TBCK: variants seen among roughly 807,000 people sequenced by gnomAD.
TBCK encodes the protein TBC1 domain containing kinase.
TBCK carries 99 observed loss-of-function variants against 113.4 expected under a neutral mutation model. The observed-to-expected ratio is 0.87, with a 90% CI of 0.74 to 1.03. The LOEUF is 1.03. Among genes scored for constraint, TBCK ranks in the 50% least tolerant of loss-of-function variants. TBCK has a pLI of 0.00. For missense variants in TBCK, 1,045 were observed against 1,061.3 expected, an observed-to-expected ratio of 0.98 and a Z score of 0.21; for synonymous variants, 369 against 370.8, an observed-to-expected ratio of 1.00 and a Z score of 0.05.
At chr4:106,259,668 T>C (rs1762320222) in intron 5 of TBCK, among the ~76,000 whole-genome samples, 1 of 151,934 alleles carries the variant, frequency 6.6e-6, no homozygotes, top group African/African-American at 2.4e-5. Flanking sequence ...AAAGCAAATG[T>C]AGTGAAATGT....
At chr4:106,095,389 A>C in intron 25 of TBCK, 93 bp downstream of exon 25, 5 of 1,202,952 alleles carry the variant, frequency 4.2e-6, no homozygotes, top group East Asian at 5.1e-5. Context: ...TTTGTGACCA[A>C]CTCCTGAAGA....
At chr4:106,131,878 T>C (rs560661280) in intron 23 of TBCK, among the ~76,000 whole-genome samples, 1 of 152,256 alleles carries the variant, frequency 6.6e-6, no homozygotes, top group East Asian at 1.9e-4. Context: ...GAGGAACTTC[T>C]TGGGACTGGA....
intron 1 of TBCK, among the ~76,000 whole-genome samples, chr4:106,313,033 C>T (rs1768364606): frequency 6.6e-6 from 1 of 152,092 alleles, no homozygotes; most frequent in Admixed American, 6.6e-5. Context: ...TGCATCAAAA[C>T]TCATTAAATT....
chr4:106,106,229 T>C (rs1742135533), intron 24 of TBCK, among the ~76,000 whole-genome samples: 1 of 152,170 alleles, frequency 6.6e-6, no homozygotes, highest in Non-Finnish European at 1.5e-5. Context: ...TTTCAGGATA[T>C]CTTCCATGAA....
chr4:106,111,168 T>C (rs1742809240), intron 24 of TBCK, among the ~76,000 whole-genome samples: 1 of 152,062 alleles, frequency 6.6e-6, no homozygotes, highest in South Asian at 2.1e-4. Flanking sequence ...GGGAGAGAAA[T>C]TATAAAGAGC....
chr4:106,149,348 T>A (rs1446909183), intron 23 of TBCK, among the ~76,000 whole-genome samples: 1 of 152,240 alleles, frequency 6.6e-6, no homozygotes. Flanking sequence ...TTTTGGGCTA[T>A]CTTGGCTTTT....
At chr4:106,046,916 T>C (rs1459847413) in intron 25 of TBCK, among the ~76,000 whole-genome samples, 1 of 152,188 alleles carries the variant, frequency 6.6e-6, no homozygotes, top group African/African-American at 2.4e-5. Flanking sequence ...TTTATGATTT[T>C]TTTGAATATG....
intron 1 of TBCK, among the ~76,000 whole-genome samples, chr4:106,314,856 C>T (rs1255126863): frequency 1.3e-5 from 2 of 151,776 alleles, no homozygotes; most frequent in Non-Finnish European, 2.9e-5. Flanking sequence ...AACTCCTGAC[C>T]TCAGGTGATC....
intron 2 of TBCK, among the ~76,000 whole-genome samples, chr4:106,301,858 G>C (rs1023765338): frequency 2.0e-5 from 3 of 152,110 alleles, no homozygotes; most frequent in Non-Finnish European, 4.4e-5. Flanking sequence ...AATTCTTTGA[G>C]GAGACACAAA....
intron 3 of TBCK, among the ~76,000 whole-genome samples, chr4:106,268,163 ATT>A (rs1763157860): frequency 6.6e-6 from 1 of 151,902 alleles, no homozygotes; most frequent in Non-Finnish European, 1.5e-5. Flanking sequence ...TTTTGACATC[ATT>A]CTTTATTCTG....
At chr4:106,121,966 T>C (rs1201545643) in intron 23 of TBCK, among the ~76,000 whole-genome samples, 2 of 151,916 alleles carry the variant, frequency 1.3e-5, no homozygotes, top group African/African-American at 2.4e-5. Flanking sequence ...TTAAAAGAAC[T>C]AGAAAAGCAA....
At chr4:106,076,215 G>A (rs955448790) in intron 25 of TBCK, among the ~76,000 whole-genome samples, 1 of 152,174 alleles carries the variant, frequency 6.6e-6, no homozygotes, top group Admixed American at 6.5e-5. Flanking sequence ...TTCTTGAGTG[G>A]GGATGCTGCA....
intron 3 of TBCK, among the ~76,000 whole-genome samples, chr4:106,279,978 C>A (rs1459804034): frequency 6.6e-6 from 1 of 151,976 alleles, no homozygotes; most frequent in Non-Finnish European, 1.5e-5. Context: ...CATATGATAG[C>A]CTTATTTTTA....
At chr4:106,282,537 A>G (rs1001187816) in intron 3 of TBCK, among the ~76,000 whole-genome samples, 5 of 152,072 alleles carry the variant, frequency 3.3e-5, no homozygotes, top group African/African-American at 1.2e-4. Flanking sequence ...AGATGATTAT[A>G]GCTGTTAACT....
At chr4:106,164,426 T>A (rs1404872610) in intron 23 of TBCK, 1 of 152,004 alleles carries the variant, frequency 6.6e-6, no homozygotes, top group South Asian at 2.1e-4. Context: ...AGAGTAGGTA[T>A]GCAGATGATT....
intron 23 of TBCK, among the ~76,000 whole-genome samples, chr4:106,117,593 C>CT (rs1216059561): frequency 1.3e-5 from 2 of 152,130 alleles, no homozygotes; most frequent in Non-Finnish European, 2.9e-5. Context: ...CTCTATGTTT[C>CT]TTAGTAGAAG....
intron 19 of TBCK, among the ~76,000 whole-genome samples, chr4:106,217,242 G>C (rs192942687): frequency 0.027 from 4,103 of 151,956 alleles, 171 homozygotes; most frequent in African/African-American, 0.091. Flanking sequence ...CTATCTATGA[G>C]AAACCCACAG....
Position 106,043,995 on chromosome 4 carries a change from G to A in TBCK, c.*2575C>T, listed in dbSNP as rs1254663634. ...AGTGATAGTGTGCTCTTACTTTACT[G>A]TTGAGAATATTAAATATTATAATTT... On this transcript the variant is annotated 3_prime_UTR_variant, in exon 26 of 26. Coordinates refer to ENST00000394708, the MANE Select transcript of TBCK (RefSeq NM_001163435.3). 3 of 152,118 alleles carry A rather than the reference G, an allele frequency of 2.0e-5. No homozygotes were observed. Among genetic ancestry groups the A allele is most frequent in the South Asian group, 2.1e-4 (1 of 4,824 alleles). 9.4% of individuals were successfully genotyped at this position (152,118 alleles called of 1,614,324 possible). A position where few individuals can be genotyped will look rare whatever the true frequency, so the allele number is the denominator to read the frequency against.
chr4:106,303,569 A>T (rs760849483), intron 2 of TBCK, among the ~76,000 whole-genome samples: 2 of 152,120 alleles, frequency 1.3e-5, no homozygotes, highest in Non-Finnish European at 2.9e-5. Flanking sequence ...CCTTCAACTG[A>T]CTGAAGAGAC....
Sources: gnomAD v4.1 joint callset for allele counts (sites outside exome capture counted in the v4.1 genomes callset) on GRCh38, gnomAD v4.1.1 for gene constraint, MANE v1.5 for transcripts, NCBI Gene and HGNC (gene_info 2026-07-23, HGNC 2026-07-21) for gene names.